The following CAPZB variants were observed in gnomAD, a reference collection of about 807,000 sequenced individuals.
CAPZB encodes F-actin-capping protein subunit beta.
A neutral mutation model predicts 38.1 loss-of-function variants in CAPZB; 2 were observed. That is an observed-to-expected ratio of 0.05 (90% CI 0.02 to 0.17). The LOEUF (loss-of-function observed/expected upper bound fraction) is 0.17, where lower values mean the gene tolerates loss of function less well. Among genes scored for constraint, CAPZB ranks in the 10% least tolerant of loss-of-function variants. The pLI, the probability that CAPZB is intolerant of heterozygous loss-of-function variation, is 1.00. For synonymous variants in CAPZB, 107 were observed against 127.4 expected, an observed-to-expected ratio of 0.84 and a Z score of 1.08; for missense variants, 161 against 334.2, an observed-to-expected ratio of 0.48 and a Z score of 4.04.
At chr1:19,473,149 A>C (rs1410629884) in intron 1 of CAPZB, among the ~76,000 whole-genome samples, 1 of 152,126 alleles carries the variant, frequency 6.6e-6, no homozygotes, top group African/African-American at 2.4e-5. Flanking sequence ...CACTAACATA[A>C]AGCACTTTCC....
chr1:19,394,061 C>T (rs554214592), intron 2 of CAPZB, among the ~76,000 whole-genome samples: 2 of 152,214 alleles, frequency 1.3e-5, no homozygotes, highest in Non-Finnish European at 2.9e-5. Flanking sequence ...AGTGCAGTGG[C>T]GCGATCTCGG....
chr1:19,366,994 G>A (rs1278332472), intron 4 of CAPZB, among the ~76,000 whole-genome samples: 1 of 152,240 alleles, frequency 6.6e-6, no homozygotes, highest in Admixed American at 6.5e-5. Context: ...TCTGCTCAGA[G>A]GGGCATCCAA....
Position 19,339,298 on chromosome 1 carries a change from T to G in CAPZB, c.*232A>C, listed in dbSNP as rs1234705473. ...GGGTGAACAAAAACCACACGGTCTC[T>G]ATGGAAATGTGGAGAGAACTGAGAG... On this transcript the variant is annotated 3_prime_UTR_variant, in exon 9 of 9. Transcript: ENST00000264202. The G allele has an allele frequency of 8.7e-6, 5 of 572,286 alleles. No individual in the cohort carries two copies. The highest frequency in any genetic ancestry group is 1.6e-5 in the Non-Finnish European group (5 of 320,802). The allele number at this position is 572,286 out of a possible 1,614,324, so 35.5% of individuals were successfully genotyped here.
At chr1:19,345,084 C>T (rs906075179) in intron 7 of CAPZB, 103 bp downstream of exon 7, 10 of 884,638 alleles carry the variant, frequency 1.1e-5, no homozygotes, top group Middle Eastern at 2.9e-4. Flanking sequence ...TGCGGTGGAG[C>T]TGAGAGAAAG....
At chr1:19,460,573 G>GTTTT in intron 1 of CAPZB, among the ~76,000 whole-genome samples, 2 of 93,034 alleles carry the variant, frequency 2.1e-5, no homozygotes, top group African/African-American at 8.2e-5. Context: ...CTGTGCCCAG[G>GTTTT]CTTTTTTTTT....
intron 1 of CAPZB, among the ~76,000 whole-genome samples, chr1:19,430,490 G>A (rs539033748): frequency 6.6e-6 from 1 of 152,304 alleles, no homozygotes; most frequent in African/African-American, 2.4e-5. Context: ...GGTGAACCTG[G>A]CGAAATGACA....
intron 4 of CAPZB, among the ~76,000 whole-genome samples, chr1:19,367,038 G>C (rs753305181): frequency 1.3e-5 from 2 of 152,212 alleles, no homozygotes; most frequent in Non-Finnish European, 2.9e-5. Flanking sequence ...GTAGACCAAC[G>C]TTCCTTTTTG....
In CAPZB at chr1:19,464,588, G is replaced by A. The variant is rs536090915; in HGVS notation, c.3+20848C>T. ...ATTACAGGTGTAAGCCACCGCACCC[G>A]GCCCTATCTGTGAAGATTTATAACA... On this transcript the variant is annotated intron_variant, in intron 1 of 8. Coordinates refer to ENST00000264202, the MANE Select transcript of CAPZB (RefSeq NM_004930.5). Among the ~76,000 whole-genome samples the A allele has an allele frequency of 6.9e-4, 105 of 152,100 alleles. 2 individuals are homozygous for A. In the South Asian group the frequency reaches 0.021, roughly 30 times the overall value.
intron 1 of CAPZB, among the ~76,000 whole-genome samples, chr1:19,443,052 T>C (rs2094483674): frequency 2.6e-5 from 4 of 152,062 alleles, no homozygotes; most frequent in African/African-American, 9.7e-5. Flanking sequence ...ATTACATCCT[T>C]CTCTACAATG....
intron 1 of CAPZB, among the ~76,000 whole-genome samples, chr1:19,480,026 G>C (rs185354357): frequency 6.6e-6 from 1 of 152,312 alleles, no homozygotes; most frequent in East Asian, 1.9e-4. Context: ...GCCGACTGCA[G>C]GCTGGAGTGG....
chr1:19,480,898 T>C (rs1185824665), intron 1 of CAPZB, among the ~76,000 whole-genome samples: 1 of 152,158 alleles, frequency 6.6e-6, no homozygotes, highest in Admixed American at 6.5e-5. Flanking sequence ...GAAAACCCAA[T>C]TCCTCCACTT....
intron 2 of CAPZB, among the ~76,000 whole-genome samples, chr1:19,397,569 T>C (rs1329769458): frequency 6.6e-6 from 1 of 152,186 alleles, no homozygotes; most frequent in Non-Finnish European, 1.5e-5. Flanking sequence ...CAGAGAGAAG[T>C]ACTTGGCAAG....
chr1:19,474,741 G>T (rs531850004), intron 1 of CAPZB, among the ~76,000 whole-genome samples: 3 of 152,112 alleles, frequency 2.0e-5, no homozygotes, highest in Non-Finnish European at 4.4e-5. Flanking sequence ...CTGTTGAGGG[G>T]GTCGTGCGGG....
intron 2 of CAPZB, among the ~76,000 whole-genome samples, chr1:19,396,581 G>A (rs991758038): frequency 1.3e-5 from 2 of 152,162 alleles, no homozygotes; most frequent in Non-Finnish European, 2.9e-5. Context: ...CAAGCACGGG[G>A]TAGCTGCTGT....
chr1:19,446,709 C>T (rs755119301), intron 1 of CAPZB, among the ~76,000 whole-genome samples: 3 of 151,934 alleles, frequency 2.0e-5, no homozygotes, highest in African/African-American at 4.8e-5. Context: ...GTGTTAAAAA[C>T]GTGGGAAAAT....
At chr1:19,359,761 C>G (rs770491541) in intron 4 of CAPZB, among the ~76,000 whole-genome samples, 5 of 152,152 alleles carry the variant, frequency 3.3e-5, no homozygotes, top group Non-Finnish European at 7.4e-5. Context: ...TCCTTTCCTA[C>G]GAGAGGAAAA....
At chr1:19,381,609 G>A (rs756170773) in intron 3 of CAPZB, among the ~76,000 whole-genome samples, 1 of 151,632 alleles carries the variant, frequency 6.6e-6, no homozygotes, top group African/African-American at 2.4e-5. Flanking sequence ...TTGCTCTGTC[G>A]CCCAGGCTGG....
At position 19,357,336 on chromosome 1, in the gene CAPZB, C is replaced by A; in HGVS notation, c.471+86G>T. On this transcript the variant is annotated intron_variant, in intron 5 of 8. Coordinates refer to ENST00000264202, the MANE Select transcript of CAPZB (RefSeq NM_004930.5). This position sits in a 1 kb window ranked among gnomAD's most constrained non-coding sequence, Gnocchi z 4.3. The stretch of plus-strand genomic sequence containing the variant: ...GTTCAGAGATCACAGCATCCCCCTA[C>A]TGCATCTGTTAGAGAGCAGCGCGGC... The A allele has an allele frequency of 1.6e-6, 2 of 1,235,844 alleles. No individual in the cohort carries two copies. Among genetic ancestry groups the A allele is most frequent in the Non-Finnish European group, 2.3e-6 (2 of 853,710 alleles). 76.6% of individuals were successfully genotyped at this position (1,235,844 alleles called of 1,614,324 possible). A position where few individuals can be genotyped will look rare whatever the true frequency, so the allele number is the denominator to read the frequency against.
intron 1 of CAPZB, among the ~76,000 whole-genome samples, chr1:19,430,955 C>T (rs2094439841): frequency 2.0e-5 from 3 of 152,178 alleles, no homozygotes; most frequent in Non-Finnish European, 4.4e-5. Flanking sequence ...ACTGAGTGAG[C>T]TGGAGCATTT....
Sources: allele counts gnomAD v4.1 joint callset (sites outside exome capture counted in the v4.1 genomes callset), GRCh38; gene constraint gnomAD v4.1.1; non-coding constraint Gnocchi (gnomAD v3.1); transcripts MANE v1.5; gene names NCBI Gene and HGNC (gene_info 2026-07-23, HGNC 2026-07-21).